Variants in SNAP23 observed in about 807,000 individuals in gnomAD.
The protein encoded by SNAP23 is synaptosome associated protein 23, also known as synaptosomal-associated protein 23.
A neutral mutation model predicts 29.0 loss-of-function variants in SNAP23; 11 were observed. That is an observed-to-expected ratio of 0.38 (90% CI 0.24 to 0.63). The LOEUF (loss-of-function observed/expected upper bound fraction) is 0.63, where lower values mean the gene tolerates loss of function less well. Ranked by LOEUF, SNAP23 falls within the 20% of genes least tolerant of loss-of-function variation. SNAP23 has a pLI of 0.58. For missense variants in SNAP23, 220 were observed against 253.9 expected (o/e 0.87, Z 0.91); for synonymous variants, 60 against 82.9 (o/e 0.72, Z 1.50).
At chr15:42,497,869 T>C (rs924050584) in intron 1 of SNAP23, among the ~76,000 whole-genome samples, 7 of 152,210 alleles carry the variant, frequency 4.6e-5, no homozygotes, top group African/African-American at 1.7e-4. Context: ...AATGCTCCCA[T>C]TCCAAATGGG....
intron 5 of SNAP23, among the ~76,000 whole-genome samples, chr15:42,526,737 C>G (rs1003529897): frequency 2.6e-5 from 4 of 151,458 alleles, no homozygotes; most frequent in African/African-American, 9.7e-5. Context: ...TGACTTTAGC[C>G]AAATAATCAA....
At chr15:42,531,335 A>T in intron 7 of SNAP23, 78 bp from the exon 8 acceptor site, 1 of 901,464 alleles carries the variant, frequency 1.1e-6, no homozygotes, top group Non-Finnish European at 1.6e-6. Flanking sequence ...TTGGTGTGTC[A>T]GTTACTCCAA....
intron 1 of SNAP23, chr15:42,505,663 C>G (rs1006771335): frequency 6.6e-6 from 1 of 150,428 alleles, no homozygotes; most frequent in African/African-American, 2.4e-5. Flanking sequence ...TCAATCAACT[C>G]TCCTGTCTCA....
chr15:42,532,158 C>G lies in SNAP23; in HGVS notation c.*680C>G, dbSNP rs1228174974. 1 of 151,438 alleles carries G rather than the reference C, an allele frequency of 6.6e-6. No homozygotes were observed. Among genetic ancestry groups the G allele is most frequent in the Non-Finnish European group, 1.5e-5 (1 of 68,004 alleles). 9.4% of individuals were successfully genotyped at this position (151,438 alleles called of 1,614,324 possible). On this transcript the variant is annotated 3_prime_UTR_variant, in exon 8 of 8. Coordinates refer to ENST00000249647, the MANE Select transcript of SNAP23 (RefSeq NM_003825.4). ...CCAGGCTGGAGTGCAATAGCGCGAT[C>G]TGGGCTCACTGCAACCTCCGCCTCC...
At chr15:42,511,758 A>AT in intron 1 of SNAP23, 75 bp from the exon 2 acceptor site, 1 of 776,610 alleles carries the variant, frequency 1.3e-6, no homozygotes, top group Non-Finnish European at 2.0e-6. Flanking sequence ...ATAAATCTAC[A>AT]CTTTTTGCTC....
intron 1 of SNAP23, chr15:42,505,584 G>T (rs182596422): frequency 2.5e-4 from 33 of 131,206 alleles, no homozygotes; most frequent in African/African-American, 9.9e-4. Context: ...TTGAGACGGA[G>T]TCTTGCTGTT....
chr15:42,499,104 T>G (rs1401054864), intron 1 of SNAP23, among the ~76,000 whole-genome samples: 1 of 151,968 alleles, frequency 6.6e-6, no homozygotes, highest in Non-Finnish European at 1.5e-5. Flanking sequence ...GTTTCACTCT[T>G]GTTGCCCAGG....
At chr15:42,502,040 T>G (rs1476462152) in intron 1 of SNAP23, among the ~76,000 whole-genome samples, 2 of 150,396 alleles carry the variant, frequency 1.3e-5, no homozygotes, top group African/African-American at 4.9e-5. Flanking sequence ...TTTTTTTTTT[T>G]TTTTTGAGAC....
chr15:42,514,733 C>T (rs1377760453), intron 4 of SNAP23, among the ~76,000 whole-genome samples: 1 of 149,202 alleles, frequency 6.7e-6, no homozygotes, highest in East Asian at 2.0e-4. Context: ...GCGGGAGTCC[C>T]ACTCTGTCAT....
At chr15:42,501,360 G>C (rs1210276677) in intron 1 of SNAP23, among the ~76,000 whole-genome samples, 1 of 152,002 alleles carries the variant, frequency 6.6e-6, no homozygotes, top group South Asian at 2.1e-4. Context: ...ATCATACTTG[G>C]ATTTTGACCC....
intron 1 of SNAP23, among the ~76,000 whole-genome samples, chr15:42,500,307 T>G (rs935793861): frequency 6.6e-6 from 1 of 152,048 alleles, no homozygotes; most frequent in African/African-American, 2.4e-5. Context: ...AGTGCTGAAC[T>G]TTTTATTCCA....
intron 5 of SNAP23, among the ~76,000 whole-genome samples, chr15:42,517,433 C>G (rs1274486572): frequency 1.3e-5 from 2 of 152,052 alleles, no homozygotes; most frequent in Admixed American, 6.6e-5. Flanking sequence ...GTTAGGAGAA[C>G]AAGGAGAAAG....
In SNAP23 at chr15:42,513,472, T is replaced by G. The variant is rs749743300; in HGVS notation, c.148+25T>G. On this transcript the variant is annotated intron_variant, in intron 4 of 7. Transcript: ENST00000249647. ...GGTAAGTTAAATTATTAGCAGAAAT[T>G]CTTAATTTGACTGTGATGCCAAAAA... The G allele has an allele frequency of 3.8e-6, 6 of 1,599,510 alleles. No individual in the cohort carries two copies. The Admixed American group carries it at 1.0e-4, about 27-fold the overall frequency.
intron 5 of SNAP23, among the ~76,000 whole-genome samples, chr15:42,520,719 C>T (rs538229912): frequency 3.3e-5 from 5 of 152,168 alleles, no homozygotes; most frequent in Non-Finnish European, 7.4e-5. Flanking sequence ...TGGTCTCGAT[C>T]TCCTGACCTC....
intron 5 of SNAP23, among the ~76,000 whole-genome samples, chr15:42,515,693 A>AT (rs1447756505): frequency 6.6e-6 from 1 of 152,214 alleles, no homozygotes; most frequent in Non-Finnish European, 1.5e-5. Context: ...CAAAATATAT[A>AT]TTTTGTGGTA....
At chr15:42,501,462 T>G (rs1052819408) in intron 1 of SNAP23, among the ~76,000 whole-genome samples, 9 of 152,198 alleles carry the variant, frequency 5.9e-5, no homozygotes, top group African/African-American at 2.2e-4. Flanking sequence ...TGCAATGGCA[T>G]GATCATAGCT....
chr15:42,493,812 T>C (rs1385335876), upstream of SNAP23, among the ~76,000 whole-genome samples: 1 of 152,132 alleles, frequency 6.6e-6, no homozygotes, highest in Non-Finnish European at 1.5e-5. Flanking sequence ...GATGACCCCA[T>C]CTTCAACTTC....
chr15:42,497,043 C>CT (rs1223381614), intron 1 of SNAP23, among the ~76,000 whole-genome samples: 2,549 of 141,196 alleles, frequency 0.018, 57 homozygotes, highest in African/African-American at 0.047. Context: ...TTCTTTCTTT[C>CT]TTTTTTTTTT....
At chr15:42,501,944 A>G (rs1044788005) in intron 1 of SNAP23, among the ~76,000 whole-genome samples, 1 of 150,916 alleles carries the variant, frequency 6.6e-6, no homozygotes. Context: ...CTACTATACT[A>G]TGTTGTCTTT....
Sources: allele counts gnomAD v4.1 joint callset (sites outside exome capture counted in the v4.1 genomes callset), GRCh38; gene constraint gnomAD v4.1.1; transcripts MANE v1.5; gene names NCBI Gene and HGNC (gene_info 2026-07-23, HGNC 2026-07-21).